SPTBN1: variants seen among roughly 807,000 people sequenced by gnomAD.
SPTBN1 encodes spectrin beta chain, non-erythrocytic 1.
A neutral mutation model predicts 266.4 loss-of-function variants in SPTBN1; 32 were observed. That is an observed-to-expected ratio of 0.12 (90% CI 0.09 to 0.16). SPTBN1 has a LOEUF of 0.16. Among genes scored for constraint, SPTBN1 ranks in the 10% least tolerant of loss-of-function variants. The probability of loss-of-function intolerance (pLI) is 1.00; values close to 1 mark genes in which losing one functional copy is unlikely to be tolerated. For missense variants in SPTBN1, 2,296 were observed against 3,067.1 expected, an observed-to-expected ratio of 0.75 and a Z score of 5.94; for synonymous variants, 1,336 against 1,162.2, an observed-to-expected ratio of 1.15 and a Z score of -3.04.
intron 2 of SPTBN1, among the ~76,000 whole-genome samples, chr2:54,576,051 C>A (rs1239672324): frequency 3.5e-4 from 20 of 56,342 alleles, no homozygotes; most frequent in Non-Finnish European, 6.3e-4. Context: ...TCACTCAGAT[C>A]CAGCTTTTTT....
At chr2:54,630,800 C>T in intron 15 of SPTBN1, 55 bp from the exon 16 acceptor site, 1 of 1,509,296 alleles carries the variant, frequency 6.6e-7, no homozygotes, top group Middle Eastern at 1.9e-4. Context: ...TTTTGCAATC[C>T]AGCCATGGTC....
chr2:54,599,133 G>A lies in SPTBN1; in HGVS notation c.190G>A (p.Val64Ile), dbSNP rs1676303917. ...AVQKKTFTKW[V>I]NSHLARVSCR... ...GCAGAAGAAGACCTTCACCAAGTGGGTCAATTCCCACCTTGCCCGTGTGTC... is the reference window on the plus strand; with the variant it reads ...GCAGAAGAAGACCTTCACCAAGTGGATCAATTCCCACCTTGCCCGTGTGTC... The change falls in exon 3 of 36, where the codon GTC (valine) becomes ATC (isoleucine). Residue 64 changes from valine to isoleucine, a missense_variant. By Grantham distance (29) the Val-to-Ile change is conservative. Around this residue, in one of 12 missense-constraint regions of SPTBN1, gnomAD observed 178 missense variants for 375.7 expected, o/e 0.47. Coordinates refer to ENST00000356805, the MANE Select transcript of SPTBN1 (RefSeq NM_003128.3). 2.5e-6 allele frequency: 4 copies of A among 1,613,988 alleles called. No homozygotes were observed. Among genetic ancestry groups the A allele is most frequent in the South Asian group, 1.1e-5 (1 of 91,076 alleles).
Position 54,561,845 on chromosome 2 carries a change from T to C in SPTBN1, c.148+35279T>C, listed in dbSNP as rs552724343. On this transcript the variant is annotated intron_variant, in intron 2 of 35. Coordinates refer to ENST00000356805, the MANE Select transcript of SPTBN1 (RefSeq NM_003128.3). ...TTATGGTTTGTAGAGATTTATAGTT[T>C]GTAGAGATTTGTGGGTCAGTAAATA... is the stretch of plus-strand genomic sequence containing the variant. Among the ~76,000 whole-genome samples, 56 of 142,176 alleles carry C rather than the reference T, an allele frequency of 3.9e-4. 1 individual carries two copies. Among genetic ancestry groups the C allele is most frequent in the African/African-American group, 1.2e-3 (42 of 34,692 alleles). The allele number at this position is 142,176 out of a possible 152,430, so 93.3% of individuals were successfully genotyped here.
rs967892233 is a variant in SPTBN1, at chr2:54,592,774, A to G, written c.149-6318A>G. ...ACAACAAAAGATAGTGAATCTCAGTATATGACAGGAGAAGGTGTAGCTATG... is the reference window on the plus strand; with the variant it reads ...ACAACAAAAGATAGTGAATCTCAGTGTATGACAGGAGAAGGTGTAGCTATG... On this transcript the variant is annotated intron_variant, in intron 2 of 35. Coordinates refer to ENST00000356805, the MANE Select transcript of SPTBN1 (RefSeq NM_003128.3). Among the ~76,000 whole-genome samples, 3 of 152,302 alleles carry G rather than the reference A, an allele frequency of 2.0e-5. No homozygotes were observed. The East Asian group carries it at 5.8e-4, about 29-fold the overall frequency.
intron 1 of SPTBN1, among the ~76,000 whole-genome samples, chr2:54,456,796 C>T (rs1693056025): frequency 6.6e-6 from 1 of 150,894 alleles, no homozygotes; most frequent in African/African-American, 2.4e-5. Flanking sequence ...GCAGACCCGC[C>T]GTGCGCACCG....
intron 8 of SPTBN1, among the ~76,000 whole-genome samples, chr2:54,621,895 C>A (rs1198929742): frequency 6.6e-6 from 1 of 152,156 alleles, no homozygotes; most frequent in Non-Finnish European, 1.5e-5. Flanking sequence ...TTTCAAAACA[C>A]CTCAGACCAG....
At chr2:54,614,360 C>T (rs933323893) in intron 4 of SPTBN1, among the ~76,000 whole-genome samples, 13 of 152,184 alleles carry the variant, frequency 8.5e-5, no homozygotes, top group South Asian at 2.1e-4. Context: ...CCTGAATATA[C>T]GGTTTTACAA....
intron 2 of SPTBN1, among the ~76,000 whole-genome samples, chr2:54,562,896 C>T (rs1301856186): frequency 1.3e-5 from 2 of 152,062 alleles, no homozygotes; most frequent in Non-Finnish European, 2.9e-5. Context: ...TGCCTGCATT[C>T]CAATTATTCC....
intron 5 of SPTBN1, among the ~76,000 whole-genome samples, chr2:54,617,190 C>A (rs1442117192): frequency 1.3e-5 from 2 of 152,226 alleles, no homozygotes; most frequent in African/African-American, 4.8e-5. Context: ...AGCTGAGTGT[C>A]ACTTGAACAG....
At chr2:54,530,970 C>G (rs994978242) in intron 2 of SPTBN1, among the ~76,000 whole-genome samples, 1 of 152,160 alleles carries the variant, frequency 6.6e-6, no homozygotes, top group African/African-American at 2.4e-5. Context: ...TTGGAACTTT[C>G]AGCATCATCC....
chr2:54,588,741 T>A (rs1675471363), intron 2 of SPTBN1, among the ~76,000 whole-genome samples: 1 of 152,208 alleles, frequency 6.6e-6, no homozygotes, highest in African/African-American at 2.4e-5. Flanking sequence ...AGTAGCAGGT[T>A]AATGGGCTCA....
At chr2:54,524,789 G>A (rs1049289512) in intron 1 of SPTBN1, among the ~76,000 whole-genome samples, 12 of 152,118 alleles carry the variant, frequency 7.9e-5, no homozygotes, top group East Asian at 3.8e-4. Context: ...TGAACTTGCC[G>A]TTCCTCCTGC....
intron 1 of SPTBN1, among the ~76,000 whole-genome samples, chr2:54,457,639 C>G (rs928433735): frequency 3.0e-4 from 45 of 152,198 alleles, no homozygotes; most frequent in Admixed American, 2.9e-3. Flanking sequence ...AGTATCGCAG[C>G]TTCCTTGGTT....
At position 54,629,524 on chromosome 2, in the gene SPTBN1, G is replaced by A. The variant is rs1678586178; in HGVS notation, c.2390G>A (p.Arg797Lys). The A allele has an allele frequency of 1.2e-6, 2 of 1,613,992 alleles. No individual in the cohort carries two copies. The highest frequency in any genetic ancestry group is 1.6e-4 in the Middle Eastern group (1 of 6,082). The change falls in exon 14 of 36, where the codon AGG (arginine) becomes AAG (lysine). Residue 797 changes from arginine to lysine, a missense_variant. By Grantham distance (26) the Arg-to-Lys change is conservative (BLOSUM62 2). Coordinates refer to ENST00000356805, the MANE Select transcript of SPTBN1 (RefSeq NM_003128.3). ...KDVAEEIANY[R>K]PTLDTLHEQA... ...GTGGCGGAAGAGATCGCCAATTACA[G>A]GCCCACCCTTGACACGCTGCACGAA...
intron 24 of SPTBN1, among the ~76,000 whole-genome samples, chr2:54,648,424 C>G (rs1233333459): frequency 1.3e-5 from 2 of 152,148 alleles, no homozygotes; most frequent in African/African-American, 2.4e-5. Flanking sequence ...TGAGATGGAG[C>G]AGCCGGTCCA....
intron 2 of SPTBN1, 193 bp downstream of exon 2, chr2:54,526,759 G>A: frequency 3.7e-6 from 2 of 543,040 alleles, no homozygotes; most frequent in South Asian, 4.1e-5. Context: ...CAACTCTAAT[G>A]GCCAAAATTA....
intron 29 of SPTBN1, 116 bp from the exon 30 acceptor site, chr2:54,657,734 G>A (rs1221788157): frequency 5.5e-6 from 7 of 1,265,636 alleles, no homozygotes; most frequent in South Asian, 4.0e-5. Flanking sequence ...TAGAGTAGAC[G>A]ATAGACTGGT....
chr2:54,665,280 G>C (rs1037383077), intron 33 of SPTBN1, among the ~76,000 whole-genome samples: 6 of 152,204 alleles, frequency 3.9e-5, no homozygotes, highest in African/African-American at 1.4e-4. Context: ...TGTGTGAGGG[G>C]ATCAGAACAT....
At chr2:54,538,860 C>A (rs1428202379) in intron 2 of SPTBN1, among the ~76,000 whole-genome samples, 1 of 152,148 alleles carries the variant, frequency 6.6e-6, no homozygotes, top group Non-Finnish European at 1.5e-5. Context: ...GGACTGAAGT[C>A]GGAGATGCCG....
Sources: allele counts gnomAD v4.1 joint callset (sites outside exome capture counted in the v4.1 genomes callset), GRCh38; gene constraint gnomAD v4.1.1; regional missense constraint gnomAD v4.1.1; transcripts MANE v1.5; gene names NCBI Gene and HGNC (gene_info 2026-07-23, HGNC 2026-07-21).